Variants in SDHD observed in about 807,000 individuals in gnomAD.
SDHD encodes the protein succinate dehydrogenase complex subunit D, also known as succinate dehydrogenase [ubiquinone] cytochrome b small subunit, mitochondrial.
SDHD carries 6 observed loss-of-function variants against 18.7 expected under a neutral mutation model. The ratio of observed to expected loss-of-function variants is 0.32; its 90% CI spans 0.18 to 0.63. The LOEUF (loss-of-function observed/expected upper bound fraction) is 0.63. Among genes scored for constraint, SDHD ranks in the 30% least tolerant of loss-of-function variants. SDHD has a pLI of 0.79. For missense variants in SDHD, 160 were observed against 192.7 expected (o/e 0.83, Z 1.00); for synonymous variants, 56 against 73.9 (o/e 0.76, Z 1.24).
At chr11:112,091,595 A>T (rs1234318361) in intron 3 of SDHD, among the ~76,000 whole-genome samples, 1 of 152,126 alleles carries the variant, frequency 6.6e-6, no homozygotes, top group Non-Finnish European at 1.5e-5. Flanking sequence ...TGGATGTCTG[A>T]TAGTTATCCC....
chr11:112,094,543 T>C (rs1865803396), intron 3 of SDHD, among the ~76,000 whole-genome samples: 1 of 151,964 alleles, frequency 6.6e-6, no homozygotes, highest in Non-Finnish European at 1.5e-5. Context: ...TAGTGAGCTA[T>C]GATCAGGCCA....
At chr11:112,088,227 T>C (rs1258268132) in intron 2 of SDHD, 5 of 468,994 alleles carry the variant, frequency 1.1e-5, no homozygotes, top group Non-Finnish European at 2.0e-5. Flanking sequence ...TGAGACAGAG[T>C]CTCGCTCTGT....
At chr11:112,091,712 C>T (rs907436188) in intron 3 of SDHD, among the ~76,000 whole-genome samples, 2 of 152,122 alleles carry the variant, frequency 1.3e-5, no homozygotes, top group Non-Finnish European at 2.9e-5. Context: ...TCTTAGGAGT[C>T]ATTCTAGATA....
At chr11:112,089,575 GCTCT>G (rs1026450829) in intron 3 of SDHD, among the ~76,000 whole-genome samples, 10 of 152,142 alleles carry the variant, frequency 6.6e-5, no homozygotes, top group Admixed American at 5.9e-4. Context: ...ATTTTTAGCT[GCTCT>G]CTCTCTCATT....
intron 3 of SDHD, among the ~76,000 whole-genome samples, 194 bp downstream of exon 3, chr11:112,089,205 G>A (rs1008329125): frequency 1.3e-5 from 2 of 152,088 alleles, no homozygotes; most frequent in Admixed American, 6.5e-5. Context: ...TTCGATTTCC[G>A]TATCTAATAG....
At position 112,088,899 on chromosome 11, in the gene SDHD, A is replaced by G. The variant is rs2135269276; in HGVS notation, c.202A>G (p.Ser68Gly). The change falls in exon 3 of 4, where the codon AGC becomes GGC. Residue 68 changes from serine to glycine, a missense_variant. Transcript: ENST00000375549. ...CAAGGCTGCATCTCTCCACTGGACTAGCGAGAGGGTTGTCAGTGTTTTGCT... is the reference window on the plus strand; with the variant it reads ...CAAGGCTGCATCTCTCCACTGGACTGGCGAGAGGGTTGTCAGTGTTTTGCT... ...GSKAASLHWTSERVVSVLLLG... is the reference protein window; with the variant it reads ...GSKAASLHWTGERVVSVLLLG... 1 of 1,612,668 alleles carries G rather than the reference A, an allele frequency of 6.2e-7. No homozygotes were observed. The highest frequency in any genetic ancestry group is 1.1e-5 in the South Asian group (1 of 91,012).
chr11:112,094,693 A>T, intron 3 of SDHD, 112 bp from the exon 4 acceptor site: 1 of 926,798 alleles, frequency 1.1e-6, no homozygotes, highest in Admixed American at 2.2e-5. Flanking sequence ...TGGCAAATGG[A>T]GACATTGCAT....
At chr11:112,087,191 G>T (rs754260613) in intron 1 of SDHD, among the ~76,000 whole-genome samples, 1 of 152,136 alleles carries the variant, frequency 6.6e-6, no homozygotes, top group African/African-American at 2.4e-5. Flanking sequence ...TCTGGAAGTC[G>T]CAGTCCTGAT....
At chr11:112,094,256 G>C (rs1865799007) in intron 3 of SDHD, among the ~76,000 whole-genome samples, 1 of 152,120 alleles carries the variant, frequency 6.6e-6, no homozygotes, top group African/African-American at 2.4e-5. Context: ...AAATTAGCTG[G>C]GTGTGGTGGT....
At chr11:112,091,771 TA>T (rs1865749565) in intron 3 of SDHD, among the ~76,000 whole-genome samples, 1 of 152,200 alleles carries the variant, frequency 6.6e-6, no homozygotes, top group Admixed American at 6.5e-5. Context: ...GTTCTTTCTT[TA>T]AAAAATAGTC....
rs1428042303 is a variant in SDHD, at chr11:112,088,908, G to A, written c.211G>A (p.Val71Ile). ...ATCTCTCCACTGGACTAGCGAGAGG[G>A]TTGTCAGTGTTTTGCTCCTGGGTCT... ...AASLHWTSER[V>I]VSVLLLGLLP... Residue 71 changes from valine to isoleucine, a missense_variant, in exon 3 of 4, where the codon GTT becomes ATT. Physicochemically the swap from Val to Ile is conservative, Grantham distance 29 (BLOSUM62 3). Coordinates refer to ENST00000375549, the MANE Select transcript of SDHD (RefSeq NM_003002.4). 1.2e-6 allele frequency: 2 copies of A among 1,612,800 alleles called. No individual in the cohort carries two copies. The highest frequency in any genetic ancestry group is 1.7e-6 in the Non-Finnish European group (2 of 1,179,958).
At chr11:112,092,413 C>A (rs569340556) in intron 3 of SDHD, among the ~76,000 whole-genome samples, 1 of 152,298 alleles carries the variant, frequency 6.6e-6, no homozygotes, top group East Asian at 1.9e-4. Context: ...CTGTCCCCCA[C>A]CCACTCTGTT....
intron 3 of SDHD, 31 bp downstream of exon 3, chr11:112,089,042 T>C: frequency 6.2e-7 from 1 of 1,613,362 alleles, no homozygotes; most frequent in South Asian, 1.1e-5. Context: ...TATAGTTGTC[T>C]GCTCAGTTTG....
chr11:112,092,312 T>C (rs948806159), intron 3 of SDHD, among the ~76,000 whole-genome samples: 7 of 152,094 alleles, frequency 4.6e-5, no homozygotes, highest in Non-Finnish European at 8.8e-5. Flanking sequence ...GAATTGTCAC[T>C]TTGCACCCTG....
intron 3 of SDHD, among the ~76,000 whole-genome samples, chr11:112,091,836 A>G (rs1865750928): frequency 6.6e-6 from 1 of 152,238 alleles, no homozygotes; most frequent in Non-Finnish European, 1.5e-5. Flanking sequence ...TGGGAGGCCG[A>G]GGCGGGCGGA....
intron 3 of SDHD, among the ~76,000 whole-genome samples, chr11:112,092,722 A>G (rs1487683247): frequency 2.0e-5 from 3 of 152,204 alleles, no homozygotes; most frequent in Non-Finnish European, 4.4e-5. Context: ...TACAACAAAA[A>G]GTTAACCTTA....
In SDHD at chr11:112,091,643, A is replaced by T. The variant is rs537425178; in HGVS notation, c.314+2632A>T. 8.2e-4 allele frequency among the ~76,000 whole-genome samples: 125 copies of T among 151,848 alleles called. No homozygotes were observed. The South Asian group carries it at 0.011, about 13-fold the overall frequency. ...GGCCAAATCGCTCTTTTTTCCCCCC[A>T]AATCTCCCTTGATTTCTCCTTTAAA... On this transcript the variant is annotated intron_variant, in intron 3 of 3. Transcript: ENST00000375549.
chr11:112,094,084 T>C (rs2135276410), intron 3 of SDHD, among the ~76,000 whole-genome samples: 1 of 152,098 alleles, frequency 6.6e-6, no homozygotes, highest in South Asian at 2.1e-4. Context: ...CTGGGCATCA[T>C]GGTGAGACCG....
rs976306324 is a variant in SDHD, at chr11:112,091,806, C to T, written c.314+2795C>T. ...TCTGAATCGGCCAGGCGTGGTCTCA[C>T]GCCTGTAATCCTAGCACTTTGGGAG... On this transcript the variant is annotated intron_variant, in intron 3 of 3. Transcript: ENST00000375549. 6.4e-4 allele frequency among the ~76,000 whole-genome samples: 97 copies of T among 152,212 alleles called. 1 individual carries two copies. Among genetic ancestry groups the T allele is most frequent in the South Asian group, 2.1e-4 (1 of 4,826 alleles).
Sources: gnomAD v4.1 joint callset for allele counts (sites outside exome capture counted in the v4.1 genomes callset) on GRCh38, gnomAD v4.1.1 for gene constraint, MANE v1.5 for transcripts, NCBI Gene and HGNC (gene_info 2026-07-23, HGNC 2026-07-21) for gene names.